The following SGCD variants were observed in gnomAD, a reference collection of about 807,000 sequenced individuals.
The protein encoded by SGCD is delta-sarcoglycan.
A neutral mutation model predicts 36.6 loss-of-function variants in SGCD; 18 were observed. That is an observed-to-expected ratio of 0.49 (90% CI 0.34 to 0.73). SGCD has a LOEUF of 0.73. SGCD is among the 30% of genes least tolerant of loss of function. The pLI, the probability that SGCD is intolerant of heterozygous loss-of-function variation, is 0.01. For synonymous variants in SGCD, 133 were observed against 130.6 expected (o/e 1.02, Z -0.12); for missense variants, 387 against 346.7 (o/e 1.12, Z -0.92).
At chr5:156,251,629 C>T (rs1364554373) in intron 3 of SGCD, among the ~76,000 whole-genome samples, 2 of 152,092 alleles carry the variant, frequency 1.3e-5, no homozygotes, top group African/African-American at 4.8e-5. Context: ...ATTCTCCTGC[C>T]TCAGCCTCCC....
chr5:155,904,360 A>C (rs1330267716), intron 1 of SGCD, among the ~76,000 whole-genome samples: 1 of 152,326 alleles, frequency 6.6e-6, no homozygotes, highest in East Asian at 1.9e-4. Context: ...TTGTGGCAAA[A>C]TACACTGAAC....
chr5:155,929,434 G>A (rs768683281), intron 1 of SGCD, among the ~76,000 whole-genome samples: 10 of 152,006 alleles, frequency 6.6e-5, no homozygotes, highest in Admixed American at 2.6e-4. Flanking sequence ...CTTGGCAATC[G>A]AACCTCATAG....
chr5:156,336,519 A>G (rs552910637), intron 2 of SGCD, among the ~76,000 whole-genome samples: 2 of 152,364 alleles, frequency 1.3e-5, no homozygotes, highest in African/African-American at 4.8e-5. Context: ...CATACCATTT[A>G]AAACAGTCTA....
chr5:156,358,793 G>A (rs559798796), intron 3 of SGCD, among the ~76,000 whole-genome samples: 1 of 152,270 alleles, frequency 6.6e-6, no homozygotes, highest in Admixed American at 6.5e-5. Flanking sequence ...AACAAAGGAA[G>A]CCAAAGTAAA....
chr5:156,478,620 T>C (rs1322819296), intron 3 of SGCD, among the ~76,000 whole-genome samples: 1 of 152,132 alleles, frequency 6.6e-6, no homozygotes, highest in Non-Finnish European at 1.5e-5. Context: ...TCGCTGTGTC[T>C]CCCAGGCTGG....
intron 4 of SGCD, among the ~76,000 whole-genome samples, chr5:156,514,169 G>A (rs781709636): frequency 1.1e-4 from 17 of 152,148 alleles, no homozygotes; most frequent in Non-Finnish European, 2.1e-4. Context: ...GTGAGTAAAG[G>A]TCTCCTTAGG....
At chr5:156,754,887 A>T (rs1757279353) in intron 7 of SGCD, among the ~76,000 whole-genome samples, 8 of 152,256 alleles carry the variant, frequency 5.3e-5, no homozygotes, top group Admixed American at 5.2e-4. Flanking sequence ...TGGAGTTCAG[A>T]TCTCTTCTAA....
At chr5:156,251,109 C>T (rs978836128) in intron 3 of SGCD, among the ~76,000 whole-genome samples, 3 of 152,126 alleles carry the variant, frequency 2.0e-5, no homozygotes, top group African/African-American at 7.2e-5. Context: ...GAAAAGCAAA[C>T]TATTAAAGGA....
At chr5:156,156,112 A>G (rs1199672290) in intron 3 of SGCD, among the ~76,000 whole-genome samples, 1 of 151,634 alleles carries the variant, frequency 6.6e-6, no homozygotes, top group Non-Finnish European at 1.5e-5. Context: ...ACTTTCACCA[A>G]GTAAGAATCA....
At chr5:156,185,767 G>A (rs1159478566) in intron 3 of SGCD, among the ~76,000 whole-genome samples, 1 of 149,392 alleles carries the variant, frequency 6.7e-6, no homozygotes, top group Non-Finnish European at 1.5e-5. Context: ...TCTGTTGTGA[G>A]ACTTTTAAAA....
At chr5:156,728,144 C>T (rs456290) in intron 7 of SGCD, among the ~76,000 whole-genome samples, 111,582 of 151,986 alleles carry the variant, frequency 0.73, 42,429 homozygotes, top group Middle Eastern at 0.83. Context: ...AGAATAACTT[C>T]GTGACAAATC....
chr5:156,678,156 A>G (rs2113675567), intron 7 of SGCD, among the ~76,000 whole-genome samples: 1 of 152,316 alleles, frequency 6.6e-6, no homozygotes, highest in East Asian at 1.9e-4. Flanking sequence ...GCCAGATGAT[A>G]CCAGGCTGTG....
chr5:156,096,990 G>T (rs2127595717), intron 1 of SGCD, among the ~76,000 whole-genome samples: 2 of 151,706 alleles, frequency 1.3e-5, no homozygotes, highest in South Asian at 4.1e-4. Context: ...ATAGTTGATA[G>T]ATTTTTTTTT....
intron 3 of SGCD, among the ~76,000 whole-genome samples, chr5:156,318,317 A>T (rs1044040997): frequency 1.3e-5 from 2 of 152,184 alleles, no homozygotes; most frequent in Non-Finnish European, 2.9e-5. Context: ...GTTAGATAAA[A>T]AGGATTCTTT....
At chr5:156,542,638 A>G (rs571919152) in intron 4 of SGCD, among the ~76,000 whole-genome samples, 2 of 152,330 alleles carry the variant, frequency 1.3e-5, no homozygotes, top group African/African-American at 4.8e-5. Flanking sequence ...TATAGGTAAG[A>G]AAACAGGAAA....
intron 1 of SGCD, among the ~76,000 whole-genome samples, chr5:155,962,050 T>A (rs1757801925): frequency 6.6e-6 from 1 of 152,002 alleles, no homozygotes; most frequent in South Asian, 2.1e-4. Flanking sequence ...TTGCAACATC[T>A]AATGGGGTAG....
chr5:156,099,253 G>A (rs1000326782), intron 1 of SGCD, among the ~76,000 whole-genome samples: 1 of 152,164 alleles, frequency 6.6e-6, no homozygotes, highest in African/African-American at 2.4e-5. Context: ...TGCTTGGCAT[G>A]GAGAAATGAT....
At chr5:156,692,387 G>T (rs1415869222) in intron 7 of SGCD, among the ~76,000 whole-genome samples, 1 of 152,208 alleles carries the variant, frequency 6.6e-6, no homozygotes, top group Non-Finnish European at 1.5e-5. Context: ...TGCCATTCCT[G>T]CATCAGCAGC....
At chr5:156,495,348 C>T (rs140626323) in intron 3 of SGCD, among the ~76,000 whole-genome samples, 20 of 152,200 alleles carry the variant, frequency 1.3e-4, no homozygotes, top group Non-Finnish European at 2.2e-4. Context: ...GGTAAGACAG[C>T]GCTAGTGCCA....
Sources: gnomAD v4.1 joint callset for allele counts (sites outside exome capture counted in the v4.1 genomes callset) on GRCh38, gnomAD v4.1.1 for gene constraint, MANE v1.5 for transcripts, NCBI Gene and HGNC (gene_info 2026-07-23, HGNC 2026-07-21) for gene names.